Variants in CELF3 observed in about 807,000 individuals in gnomAD.
CELF3 encodes CAG repeat domain.
Under a neutral mutation model 59.6 loss-of-function variants are expected in CELF3, and 26 were observed. The ratio of observed to expected loss-of-function variants is 0.44; its 90% CI spans 0.32 to 0.61. The LOEUF (loss-of-function observed/expected upper bound fraction) is 0.61. Among genes scored for constraint, CELF3 ranks in the 20% least tolerant of loss-of-function variants. The pLI, the probability that CELF3 is intolerant of heterozygous loss-of-function variation, is 0.06. For synonymous variants in CELF3, 245 were observed against 250.7 expected (o/e 0.98, Z 0.22); for missense variants, 387 against 627.2 (o/e 0.62, Z 4.09).
rs1672237885 is a variant in CELF3 at position 151,703,434 on chromosome 1, C to T, written c.*25G>A. 2.8e-6 allele frequency: 1 copy of T among 360,268 alleles called. No individual in the cohort carries two copies. Among genetic ancestry groups the T allele is most frequent in the Non-Finnish European group, 5.5e-6 (1 of 181,454 alleles). The allele number at this position is 360,268 out of a possible 1,614,324, so 22.3% of individuals were successfully genotyped here. ...AAGAGGGTGTGAGGCGCCCCTTCCT[C>T]TGGGATCTCCAGACCTGTGAAGGAA... is the stretch of plus-strand genomic sequence containing the variant. On this transcript the variant is annotated 3_prime_UTR_variant, in exon 13 of 13. Transcript: ENST00000290583.
chr1:151,713,415 C>T (rs1436620708), intron 2 of CELF3: 2 of 152,286 alleles, frequency 1.3e-5, no homozygotes, highest in African/African-American at 4.8e-5. Context: ...ATCCATGTCT[C>T]CACTCCAGTC....
At chr1:151,707,737 G>A in intron 6 of CELF3, 55 bp downstream of exon 6, 2 of 1,603,374 alleles carry the variant, frequency 1.2e-6, no homozygotes, top group Non-Finnish European at 8.5e-7. Flanking sequence ...CGGGAGGGTG[G>A]GGGCAAGATA....
Position 151,709,944 on chromosome 1 carries a change from G to T in CELF3, c.229-153C>A. ...AGGGACAGGGCCTAATACTGTTCAG[G>T]ATGAAGGCCTGAGGGGATCAGAGGC... On this transcript the variant is annotated intron_variant, in intron 2 of 12. Coordinates refer to ENST00000290583, the MANE Select transcript of CELF3 (RefSeq NM_007185.7). The surrounding 1 kb of genome is among the most constrained non-coding windows in gnomAD (Gnocchi z 4.9). The T allele has an allele frequency of 2.7e-6, 2 of 747,476 alleles. No individual in the cohort carries two copies. The highest frequency in any genetic ancestry group is 2.4e-6 in the Non-Finnish European group (1 of 412,036). 46.3% of individuals were successfully genotyped at this position (747,476 alleles called of 1,614,324 possible). A position where few individuals can be genotyped will look rare whatever the true frequency, so the allele number is the denominator to read the frequency against.
intron 2 of CELF3, among the ~76,000 whole-genome samples, chr1:151,713,012 G>T (rs191340738): frequency 9.5e-4 from 145 of 152,224 alleles, no homozygotes; most frequent in Non-Finnish European, 1.7e-3. Flanking sequence ...GAAGACAAAG[G>T]GTCACAGACA....
chr1:151,706,010 G>A (rs1176167454), intron 10 of CELF3, 45 bp from the exon 11 acceptor site: 4 of 1,610,562 alleles, frequency 2.5e-6, no homozygotes, highest in Non-Finnish European at 3.4e-6. Context: ...TGACTGGGAG[G>A]CACACACCCC....
At position 151,705,582 on chromosome 1, in the gene CELF3, AT is replaced by A. The variant is rs778569025; in HGVS notation, c.1270+239del. Among the ~76,000 whole-genome samples the A allele has an allele frequency of 6.6e-6, 1 of 152,080 alleles. No individual in the cohort carries two copies. ...CCAAACATCCCCAGACCATAAGCCTATTTCAGACCTCATGGGACATGAATTT... is the reference window on the plus strand; with the variant it reads ...CCAAACATCCCCAGACCATAAGCCTATTCAGACCTCATGGGACATGAATTT... On this transcript the variant is annotated intron_variant, in intron 11 of 12. Coordinates refer to ENST00000290583, the MANE Select transcript of CELF3 (RefSeq NM_007185.7). The surrounding 1 kb of genome is among the most constrained non-coding windows in gnomAD (Gnocchi z 5.1).
Position 151,709,210 on chromosome 1 carries a change from G to T in CELF3, c.406+10C>A. The T allele has an allele frequency of 6.2e-7, 1 of 1,613,058 alleles. No homozygotes were observed. The highest frequency in any genetic ancestry group is 8.5e-7 in the Non-Finnish European group (1 of 1,179,160). On this transcript the variant is annotated intron_variant, in intron 4 of 12. Coordinates refer to ENST00000290583, the MANE Select transcript of CELF3 (RefSeq NM_007185.7). This position sits in a 1 kb window ranked among gnomAD's most constrained non-coding sequence, Gnocchi z 4.9. The stretch of plus-strand genomic sequence containing the variant: ...GGGCCCGGTGGGGAAGGGGGAAGTG[G>T]GTGGACTACCTTTGCTGGTGCCATC...
Position 151,705,046 on chromosome 1 carries a change from A to T in CELF3, c.1393T>A (p.Tyr465Asn). The part of the protein sequence containing the change: ...LKRPKDANRP[Y>N] ...CGGGACCCACCTGGGGGCCCTCAGT[A>T]GGGCCGGTTGGCATCCTTAGGCCGC... Residue 465 changes from tyrosine to asparagine, a missense_variant, in exon 12 of 13, where the codon TAC becomes AAC. By Grantham distance (143) the Tyr-to-Asn change is moderately radical (BLOSUM62 -2). Around this residue, in one of 3 missense-constraint regions of CELF3, gnomAD observed 48 missense variants for 118.8 expected, o/e 0.40. Coordinates refer to ENST00000290583, the MANE Select transcript of CELF3 (RefSeq NM_007185.7). This position sits in a 1 kb window ranked among gnomAD's most constrained non-coding sequence, Gnocchi z 5.1. 6.2e-7 allele frequency: 1 copy of T among 1,612,462 alleles called. No individual in the cohort carries two copies. The highest frequency in any genetic ancestry group is 1.1e-5 in the South Asian group (1 of 91,026).
At chr1:151,711,566 G>A (rs980783177) in intron 2 of CELF3, among the ~76,000 whole-genome samples, 3 of 151,910 alleles carry the variant, frequency 2.0e-5, no homozygotes, top group Non-Finnish European at 4.4e-5. Context: ...TTATCCCATC[G>A]GAGGCTCAAT....
chr1:151,713,248 C>G (rs1673178399), intron 2 of CELF3, among the ~76,000 whole-genome samples: 1 of 152,208 alleles, frequency 6.6e-6, no homozygotes, highest in Non-Finnish European at 1.5e-5. Context: ...CCACCCTGGG[C>G]TGGACTTCCT....
intron 2 of CELF3, chr1:151,710,157 A>G (rs1281490151): frequency 1.1e-5 from 3 of 280,622 alleles, no homozygotes; most frequent in Non-Finnish European, 2.1e-5. Flanking sequence ...TCAATTCTAC[A>G]AAGTGGGCGC....
At chr1:151,715,542 A>G (rs1230064256) in intron 1 of CELF3, 1 of 1,141,042 alleles carries the variant, frequency 8.8e-7, no homozygotes, top group Non-Finnish European at 1.2e-6. Flanking sequence ...ACACACCCCT[A>G]CCCAGCTGCT....
Position 151,715,471 on chromosome 1 carries a change from C to G in CELF3, c.145+405G>C, listed in dbSNP as rs1403883136. ...GAACACCTGACCCTGTGTCCTGACC[C>G]CCATCCCAATATTATCTGAGGCTGC... On this transcript the variant is annotated intron_variant, in intron 1 of 12. Coordinates refer to ENST00000290583, the MANE Select transcript of CELF3 (RefSeq NM_007185.7). 3.7e-5 allele frequency: 20 copies of G among 545,332 alleles called. 1 individual carries two copies. The Middle Eastern group carries it at 2.8e-3, about 75-fold the overall frequency. The allele number at this position is 545,332 out of a possible 1,614,324, so 33.8% of individuals were successfully genotyped here. A position where few individuals can be genotyped will look rare whatever the true frequency, so the allele number is the denominator to read the frequency against.
At chr1:151,710,088 A>C (rs1372584895) in intron 2 of CELF3, 2 of 430,258 alleles carry the variant, frequency 4.6e-6, no homozygotes, top group Non-Finnish European at 8.6e-6. Context: ...GGGGGCCTGC[A>C]CATAGGACCC....
At position 151,709,440 on chromosome 1, in the gene CELF3, T is replaced by C; in HGVS notation, c.278-92A>G. ...CGCCCTTCCCTGGAGCTCCTAACAC[T>C]ACTTCTGCTACCCTTAGGGTCCAAT... On this transcript the variant is annotated intron_variant, in intron 3 of 12. Coordinates refer to ENST00000290583, the MANE Select transcript of CELF3 (RefSeq NM_007185.7). The surrounding 1 kb of genome is among the most constrained non-coding windows in gnomAD (Gnocchi z 4.9). 6.5e-7 allele frequency: 1 copy of C among 1,545,216 alleles called. No individual in the cohort carries two copies. The highest frequency in any genetic ancestry group is 1.1e-5 in the South Asian group (1 of 87,332).
intron 2 of CELF3, among the ~76,000 whole-genome samples, chr1:151,713,258 T>C (rs1673179055): frequency 6.6e-6 from 1 of 152,004 alleles, no homozygotes. Flanking sequence ...CTGGACTTCC[T>C]CAAGAAGGGC....
At chr1:151,708,091 A>T (rs1025251879) in intron 5 of CELF3, 156 bp from the exon 6 acceptor site, 1 of 731,604 alleles carries the variant, frequency 1.4e-6, no homozygotes, top group African/African-American at 1.8e-5. Flanking sequence ...GGAGATATTA[A>T]TCCCACTCTC....
rs1054172120 is a variant in CELF3 at position 151,700,666 on chromosome 1, A to G, written c.*2793T>C. 5.9e-5 allele frequency among the ~76,000 whole-genome samples: 9 copies of G among 152,258 alleles called. No individual in the cohort carries two copies. Among genetic ancestry groups the G allele is most frequent in the Admixed American group, 3.3e-4 (5 of 15,286 alleles). Reference sequence around the variant, plus strand: ...GGAAATTGCTATGATTACTCAGTTAATAAGTGTAGGCAGTGATAATTGAAA... The same window carrying G: ...GGAAATTGCTATGATTACTCAGTTAGTAAGTGTAGGCAGTGATAATTGAAA... On this transcript the variant is annotated 3_prime_UTR_variant, in exon 13 of 13. Transcript: ENST00000290583.
At chr1:151,715,717 G>A (rs1160313022) in intron 1 of CELF3, 159 bp downstream of exon 1, 3 of 1,565,360 alleles carry the variant, frequency 1.9e-6, no homozygotes, top group South Asian at 2.3e-5. Context: ...GATCACTCTA[G>A]CTGAGTTCTT....
Sources: allele counts gnomAD v4.1 joint callset (sites outside exome capture counted in the v4.1 genomes callset), GRCh38; gene constraint gnomAD v4.1.1; regional missense constraint gnomAD v4.1.1; non-coding constraint Gnocchi (gnomAD v3.1); transcripts MANE v1.5; gene names NCBI Gene and HGNC (gene_info 2026-07-23, HGNC 2026-07-21).